The following GPM6B variants were observed in gnomAD, a reference collection of about 807,000 sequenced individuals.
GPM6B encodes neuronal membrane glycoprotein M6-b.
In GPM6B, 4 loss-of-function variants were observed where a neutral mutation model predicts 27.2. The ratio of observed to expected loss-of-function variants is 0.15; its 90% CI spans 0.07 to 0.34. The LOEUF is 0.34. Ranked by LOEUF, GPM6B falls within the 10% of genes least tolerant of loss-of-function variation. The pLI, the probability that GPM6B is intolerant of heterozygous loss-of-function variation, is 1.00. For synonymous variants in GPM6B, 124 were observed against 103.1 expected (o/e 1.20, Z -1.23); for missense variants, 183 against 261.9 (o/e 0.70, Z 2.08).
chrX:13,851,163 CAAAAAAAAAAA>C (rs10652819), intron 1 of GPM6B, among the ~76,000 whole-genome samples: 2 of 60,212 alleles, frequency 3.3e-5, no homozygotes, highest in African/African-American at 6.7e-5. Context: ...ACTCCATCTC[CAAAAAAAAAAA>C]AAAAAAAAAA....
At chrX:13,870,686 G>A (rs368764499) in intron 1 of GPM6B, among the ~76,000 whole-genome samples, 18 of 112,560 alleles carry the variant, frequency 1.6e-4, no homozygotes, top group African/African-American at 5.8e-4. Flanking sequence ...TCTGGTCTCT[G>A]TATTTGCTTT....
At chrX:13,932,386 G>A (rs1396182647) in intron 1 of GPM6B, among the ~76,000 whole-genome samples, 2 of 112,083 alleles carry the variant, frequency 1.8e-5, no homozygotes, top group Non-Finnish European at 3.8e-5. Context: ...CCACCTCCCC[G>A]CTTTTTTCCT....
At chrX:13,840,062 G>A in intron 1 of GPM6B, among the ~76,000 whole-genome samples, 1 of 112,072 alleles carries the variant, frequency 8.9e-6, no homozygotes, top group Non-Finnish European at 1.9e-5. Context: ...AAGGTGTTTA[G>A]ATACAACACC....
chrX:13,817,037 C>T lies in GPM6B; in HGVS notation c.-133G>A. ...GATTGAGAGGCTCTGTTCTTCACTA[C>T]AGTAGATTACAGTCCCTTCCAAGAT... On this transcript the variant is annotated 5_prime_UTR_variant, in exon 1 of 8. Coordinates refer to ENST00000316715, the MANE Select transcript of GPM6B (RefSeq NM_001001995.3). The T allele has an allele frequency of 9.2e-7, 1 of 1,081,155 alleles. No homozygotes were observed. The allele number at this position is 1,081,155 out of a possible 1,213,427, so 89.1% of individuals were successfully genotyped here. A position where few individuals can be genotyped will look rare whatever the true frequency, so the allele number is the denominator to read the frequency against.
At chrX:13,851,104 A>C (rs2049711627) in intron 1 of GPM6B, among the ~76,000 whole-genome samples, 3 of 101,971 alleles carry the variant, frequency 2.9e-5, no homozygotes, top group Admixed American at 2.2e-4. Context: ...CAGAGGCTGC[A>C]GTGAGCTGAG....
rs369141503 is a variant in GPM6B at position 13,807,693 on chromosome X, G to A, written c.138C>T (p.Pro46=). 29 of 1,201,994 alleles carry A rather than the reference G, an allele frequency of 2.4e-5. No individual in the cohort carries two copies. Among genetic ancestry groups the A allele is most frequent in the South Asian group, 3.6e-5 (2 of 56,017 alleles). The change falls in exon 2 of 8, where the codon CCC becomes CCT. Residue 46 remains proline (P), a synonymous_variant. Coordinates refer to ENST00000316715, the MANE Select transcript of GPM6B (RefSeq NM_001001995.3). ...YPGSKNHQYH[P]VPTLGDRASP... ...TAGCCCTGTCCCCCAGGGTTGGCAC[G>A]GGATGGTACTGGTGGTTCTTTGAGC... is the stretch of plus-strand genomic sequence containing the variant.
chrX:13,937,207 G>T (rs958682393), intron 1 of GPM6B, among the ~76,000 whole-genome samples: 3 of 112,082 alleles, frequency 2.7e-5, no homozygotes, highest in Admixed American at 9.4e-5. Flanking sequence ...TTTTTAGAAA[G>T]AAATTTTCCT....
intron 1 of GPM6B, among the ~76,000 whole-genome samples, chrX:13,858,889 T>G (rs2049811454): frequency 8.9e-6 from 1 of 112,032 alleles, no homozygotes; most frequent in Non-Finnish European, 1.9e-5. Context: ...CTATCACAGG[T>G]CCCTTTGGCA....
chrX:13,779,528 CTTT>C (rs1305578744), intron 5 of GPM6B, among the ~76,000 whole-genome samples: 3 of 111,533 alleles, frequency 2.7e-5, no homozygotes, highest in African/African-American at 9.8e-5. Context: ...ATCCAGAAGT[CTTT>C]TTTGATTGAA....
At chrX:13,803,659 T>C (rs979926147) in intron 2 of GPM6B, among the ~76,000 whole-genome samples, 4 of 112,240 alleles carry the variant, frequency 3.6e-5, no homozygotes, top group African/African-American at 6.5e-5. Flanking sequence ...AGTCACGGCA[T>C]CTTGCATGTC....
intron 6 of GPM6B, among the ~76,000 whole-genome samples, chrX:13,776,731 C>T (rs2048419896): frequency 8.9e-6 from 1 of 112,218 alleles, no homozygotes; most frequent in African/African-American, 3.2e-5. Flanking sequence ...CAAGCACCTA[C>T]GAATGCATTT....
At chrX:13,911,043 G>A (rs144532762) in intron 1 of GPM6B, among the ~76,000 whole-genome samples, 31 of 112,123 alleles carry the variant, frequency 2.8e-4, no homozygotes, top group African/African-American at 1.0e-3. Context: ...ACTCAATCAT[G>A]CAAAGGAGGT....
chrX:13,790,878 AACC>A (rs72513349), intron 2 of GPM6B, among the ~76,000 whole-genome samples: 35,629 of 110,439 alleles, frequency 0.32, 4,951 homozygotes, highest in East Asian at 0.54. Flanking sequence ...CACACACTCC[AACC>A]ACCCCCTAAA....
chrX:13,798,657 C>T (rs763439254), intron 2 of GPM6B, among the ~76,000 whole-genome samples: 14 of 112,796 alleles, frequency 1.2e-4, no homozygotes, highest in Non-Finnish European at 2.4e-4. Context: ...ACTTATCAAG[C>T]TATCCATGCC....
chrX:13,793,562 G>C (rs984948896), intron 2 of GPM6B, among the ~76,000 whole-genome samples: 1 of 111,700 alleles, frequency 9.0e-6, no homozygotes, highest in African/African-American at 3.3e-5. Context: ...ACATAATTCT[G>C]GTCTCAGACA....
Position 13,838,772 on chromosome X carries a change from T to C in GPM6B, c.-197-52964A>G, listed in dbSNP as rs746688328. Among the ~76,000 whole-genome samples, 105 of 111,775 alleles carry C rather than the reference T, an allele frequency of 9.4e-4. 1 individual carries two copies. The highest frequency in any genetic ancestry group is 3.3e-3 in the African/African-American group (102 of 30,773). ...TGCTTGGCATCCTACACATGGTCCC[T>C]GCAGAACTACTGTAGCCTATTGCCT... is the stretch of plus-strand genomic sequence containing the variant. On this transcript the variant is annotated intron_variant, in intron 1 of 6. Coordinates refer to the GPM6B transcript ENST00000398361.
chrX:13,810,158 A>AT (rs2049101618), intron 1 of GPM6B, among the ~76,000 whole-genome samples: 1 of 110,950 alleles, frequency 9.0e-6, no homozygotes, highest in African/African-American at 3.3e-5. Context: ...ACAGATTTAG[A>AT]TTTTTGCTTT....
intron 1 of GPM6B, chrX:13,889,351 CCA>C (rs2050167956): frequency 8.9e-6 from 1 of 111,772 alleles, no homozygotes. Flanking sequence ...AGTAGTAAAA[CCA>C]CCTACCCAAC....
intron 1 of GPM6B, among the ~76,000 whole-genome samples, chrX:13,872,560 C>T (rs1031943872): frequency 9.1e-6 from 1 of 110,110 alleles, no homozygotes; most frequent in African/African-American, 3.3e-5. Flanking sequence ...CCAACCAGGA[C>T]ATATGGTCAC....
Sources: gnomAD v4.1 joint callset for allele counts (sites outside exome capture counted in the v4.1 genomes callset) on GRCh38, gnomAD v4.1.1 for gene constraint, MANE v1.5 for transcripts, NCBI Gene and HGNC (gene_info 2026-07-23, HGNC 2026-07-21) for gene names.